Variants in CD2AP observed in about 807,000 individuals in gnomAD.
CD2AP encodes CD2 associated protein.
CD2AP carries 46 observed loss-of-function variants against 85.1 expected under a neutral mutation model. The observed-to-expected ratio is 0.54, with a 90% CI of 0.43 to 0.69. The LOEUF (loss-of-function observed/expected upper bound fraction) is 0.69. Ranked by LOEUF, CD2AP falls within the 30% of genes least tolerant of loss-of-function variation. CD2AP has a pLI of 0.00. For missense variants in CD2AP, 769 were observed against 729.5 expected, an observed-to-expected ratio of 1.05 and a Z score of -0.62; for synonymous variants, 255 against 252.9, an observed-to-expected ratio of 1.01 and a Z score of -0.08.
chr6:47,492,993 C>T (rs906326620), intron 1 of CD2AP, among the ~76,000 whole-genome samples: 6 of 152,184 alleles, frequency 3.9e-5, no homozygotes, highest in African/African-American at 1.4e-4. Context: ...ATGTGTAGTG[C>T]TGGTACCATA....
Position 47,626,536 on chromosome 6 carries a change from T to G in CD2AP, c.*2309T>G, listed in dbSNP as rs747110506. 19 of 152,394 alleles carry G rather than the reference T, an allele frequency of 1.2e-4. No homozygotes were observed. The highest frequency in any genetic ancestry group is 2.4e-4 in the Non-Finnish European group (16 of 67,838). The allele number at this position is 152,394 out of a possible 1,614,324, so 9.4% of individuals were successfully genotyped here. ...TATTAGTGAATGTATAGTTCAGGTA[T>G]TCTTTGAGACACACAGTATCATTAA... On this transcript the variant is annotated 3_prime_UTR_variant, in exon 18 of 18. Coordinates refer to ENST00000359314, the MANE Select transcript of CD2AP (RefSeq NM_012120.3).
At chr6:47,596,074 G>T in intron 12 of CD2AP, 48 bp downstream of exon 12, 2 of 1,326,706 alleles carry the variant, frequency 1.5e-6, no homozygotes, top group South Asian at 1.2e-5. Context: ...ACTCACCTTT[G>T]ACCTTAATGG....
intron 4 of CD2AP, among the ~76,000 whole-genome samples, chr6:47,546,847 C>A (rs182827488): frequency 6.6e-4 from 101 of 152,302 alleles, no homozygotes; most frequent in African/African-American, 2.3e-3. Context: ...AGAAACCATA[C>A]AAGCTAGAAG....
rs990143912 is a variant in CD2AP, at chr6:47,625,056, T to A, written c.*829T>A. ...AACTGTTAATTTAACCCTTAACTTG[T>A]GCCTAGAAACTACAGCACATATAAA... On this transcript the variant is annotated 3_prime_UTR_variant, in exon 18 of 18. Coordinates refer to ENST00000359314, the MANE Select transcript of CD2AP (RefSeq NM_012120.3). The A allele has an allele frequency of 6.6e-6, 1 of 151,970 alleles. No individual in the cohort carries two copies. The highest frequency in any genetic ancestry group is 1.5e-5 in the Non-Finnish European group (1 of 67,818). 9.4% of individuals were successfully genotyped at this position (151,970 alleles called of 1,614,324 possible).
chr6:47,489,638 C>T (rs2113965381), intron 1 of CD2AP, among the ~76,000 whole-genome samples: 1 of 152,258 alleles, frequency 6.6e-6, no homozygotes, highest in South Asian at 2.1e-4. Context: ...ATGTACGGAG[C>T]ATTCGGTTCC....
intron 11 of CD2AP, among the ~76,000 whole-genome samples, chr6:47,585,206 G>A (rs987202711): frequency 6.6e-6 from 1 of 151,304 alleles, no homozygotes; most frequent in Admixed American, 6.6e-5. Context: ...AGGAGGCTGA[G>A]GCAGGAGAAT....
At chr6:47,492,285 AG>A (rs1240516710) in intron 1 of CD2AP, among the ~76,000 whole-genome samples, 1 of 151,510 alleles carries the variant, frequency 6.6e-6, no homozygotes, top group African/African-American at 2.4e-5. Flanking sequence ...TAGTGAGGAA[AG>A]TTCAAAGATG....
Position 47,525,007 on chromosome 6 carries a change from TAAAA to T in CD2AP, c.166-8593_166-8590del, listed in dbSNP as rs556616849. On this transcript the variant is annotated intron_variant, in intron 2 of 17. Coordinates refer to ENST00000359314, the MANE Select transcript of CD2AP (RefSeq NM_012120.3). The stretch of plus-strand genomic sequence containing the variant: ...AATATCCAATTTAATTTAATCATAA[TAAAA>T]AGGAAAATCAAATGACTTTAAGTAG... 3.3e-5 allele frequency among the ~76,000 whole-genome samples: 5 copies of T among 152,198 alleles called. No homozygotes were observed. In the South Asian group the frequency reaches 1.0e-3, roughly 32 times the overall value.
intron 2 of CD2AP, among the ~76,000 whole-genome samples, chr6:47,513,902 G>C (rs1003960636): frequency 6.9e-6 from 1 of 144,438 alleles, no homozygotes. Context: ...TGGGGGGGGG[G>C]CTAGCCTTAC....
chr6:47,612,034 T>C (rs771076731), intron 16 of CD2AP, among the ~76,000 whole-genome samples: 7 of 152,106 alleles, frequency 4.6e-5, no homozygotes, highest in Non-Finnish European at 1.0e-4. Context: ...TAATGTGTTA[T>C]TTAATTTTTA....
At chr6:47,543,148 C>CAAAAAAAAAAAAAA (rs11338409) in intron 3 of CD2AP, among the ~76,000 whole-genome samples, 34 of 60,326 alleles carry the variant, frequency 5.6e-4, no homozygotes, top group Admixed American at 9.8e-4. Context: ...AAGACTGTCT[C>CAAAAAAAAAAAAAA]AAAAAAAAAA....
chr6:47,526,170 T>C (rs1378062232), intron 2 of CD2AP, among the ~76,000 whole-genome samples: 2 of 152,178 alleles, frequency 1.3e-5, no homozygotes, highest in African/African-American at 2.4e-5. Flanking sequence ...AAATTTGCTA[T>C]TGAAATTGAT....
intron 2 of CD2AP, among the ~76,000 whole-genome samples, chr6:47,521,753 C>T (rs1013964303): frequency 7.9e-5 from 12 of 152,164 alleles, no homozygotes; most frequent in African/African-American, 1.4e-4. Flanking sequence ...ATAACTCTCA[C>T]GCCTGTAATC....
At chr6:47,592,185 T>A (rs902592846) in intron 11 of CD2AP, among the ~76,000 whole-genome samples, 1 of 152,058 alleles carries the variant, frequency 6.6e-6, no homozygotes, top group Admixed American at 6.6e-5. Context: ...TCTTCCTTGG[T>A]CATTCAGGCA....
In CD2AP at chr6:47,626,320, G is replaced by A. The variant is rs1769905921; in HGVS notation, c.*2093G>A. ...AAGAAAACCAAACAAACCCAGGCCT[G>A]ATGGGAAAAATGATTCCTTTATTCT... On this transcript the variant is annotated 3_prime_UTR_variant, in exon 18 of 18. Coordinates refer to ENST00000359314, the MANE Select transcript of CD2AP (RefSeq NM_012120.3). 6.6e-6 allele frequency: 1 copy of A among 152,020 alleles called. No homozygotes were observed. The highest frequency in any genetic ancestry group is 1.5e-5 in the Non-Finnish European group (1 of 67,844). The allele number at this position is 152,020 out of a possible 1,614,324, so 9.4% of individuals were successfully genotyped here.
chr6:47,599,886 T>G (rs930305767), intron 13 of CD2AP, among the ~76,000 whole-genome samples: 1 of 152,054 alleles, frequency 6.6e-6, no homozygotes, highest in Non-Finnish European at 1.5e-5. Flanking sequence ...GAGGAAAATA[T>G]GCTTTTTCTA....
At position 47,612,429 on chromosome 6, in the gene CD2AP, T is replaced by G. The variant is rs1562057418; in HGVS notation, c.1815-44T>G. The G allele has an allele frequency of 2.9e-6, 4 of 1,358,230 alleles. No homozygotes were observed. The African/African-American group carries it at 5.8e-5, about 20-fold the overall frequency. 84.1% of individuals were successfully genotyped at this position (1,358,230 alleles called of 1,614,324 possible). A position where few individuals can be genotyped will look rare whatever the true frequency, so the allele number is the denominator to read the frequency against. ...GCCTGTAAACATTAGTCAAATAAAT[T>G]ATTTAATCGAAAGACTTAACAGTAA... On this transcript the variant is annotated intron_variant, in intron 16 of 17. Coordinates refer to ENST00000359314, the MANE Select transcript of CD2AP (RefSeq NM_012120.3).
At chr6:47,505,909 C>CA (rs1766148105) in intron 2 of CD2AP, among the ~76,000 whole-genome samples, 3 of 115,686 alleles carry the variant, frequency 2.6e-5, no homozygotes, top group African/African-American at 6.9e-5. Context: ...CTGACCCCCC[C>CA]CACCTCCCTC....
At chr6:47,570,138 TTTC>T (rs1768110061) in intron 5 of CD2AP, among the ~76,000 whole-genome samples, 1 of 141,194 alleles carries the variant, frequency 7.1e-6, no homozygotes, top group Admixed American at 7.0e-5. Context: ...TTTCATCAGA[TTTC>T]TTTTTTTTTT....
Sources: gnomAD v4.1 joint callset for allele counts (sites outside exome capture counted in the v4.1 genomes callset) on GRCh38, gnomAD v4.1.1 for gene constraint, MANE v1.5 for transcripts, NCBI Gene and HGNC (gene_info 2026-07-23, HGNC 2026-07-21) for gene names.